The following NEO1 variants were observed in gnomAD, a reference collection of about 807,000 sequenced individuals.
The protein encoded by NEO1 is neogenin 1.
In NEO1, 63 loss-of-function variants were observed where a neutral mutation model predicts 159.7. The observed-to-expected ratio is 0.39, with a 90% CI of 0.32 to 0.49. The LOEUF (loss-of-function observed/expected upper bound fraction) is 0.49. Ranked by LOEUF, NEO1 falls within the 20% of genes least tolerant of loss-of-function variation. NEO1 has a pLI of 0.85. For missense variants in NEO1, 1,615 were observed against 1,831.0 expected, an observed-to-expected ratio of 0.88 and a Z score of 2.15; for synonymous variants, 633 against 662.0, an observed-to-expected ratio of 0.96 and a Z score of 0.67.
intron 1 of NEO1, among the ~76,000 whole-genome samples, chr15:73,076,518 T>TTA (rs2068774258): frequency 1.3e-5 from 2 of 152,292 alleles, no homozygotes; most frequent in East Asian, 3.9e-4. Context: ...TAAGTATTGG[T>TTA]TGTATAGATA....
chr15:73,161,407 A>G (rs2034167384), intron 5 of NEO1, among the ~76,000 whole-genome samples: 1 of 152,286 alleles, frequency 6.6e-6, no homozygotes, highest in African/African-American at 2.4e-5. Flanking sequence ...TTTCATACAT[A>G]TTTGCATCTA....
intron 1 of NEO1, among the ~76,000 whole-genome samples, chr15:73,090,023 G>A (rs1461347607): frequency 6.6e-6 from 1 of 152,024 alleles, no homozygotes; most frequent in Non-Finnish European, 1.5e-5. Context: ...GTCCTGGTTT[G>A]GAAGATAATT....
intron 23 of NEO1, among the ~76,000 whole-genome samples, chr15:73,284,532 G>A (rs1031351146): frequency 4.0e-5 from 6 of 151,242 alleles, no homozygotes; most frequent in South Asian, 4.2e-4. Context: ...AAGAAAAATG[G>A]AGGCTTCTTT....
chr15:73,102,280 C>T (rs780911393), intron 1 of NEO1, among the ~76,000 whole-genome samples: 1 of 152,068 alleles, frequency 6.6e-6, no homozygotes, highest in Non-Finnish European at 1.5e-5. Flanking sequence ...GCAGAAGAAT[C>T]GCTTGAACCC....
At chr15:73,175,361 A>G (rs2035222120) in intron 5 of NEO1, among the ~76,000 whole-genome samples, 1 of 152,236 alleles carries the variant, frequency 6.6e-6, no homozygotes. Context: ...TGAAATACCT[A>G]GGTATTTATC....
intron 7 of NEO1, among the ~76,000 whole-genome samples, chr15:73,220,919 C>G (rs2038214203): frequency 6.6e-6 from 1 of 152,226 alleles, no homozygotes; most frequent in Non-Finnish European, 1.5e-5. Context: ...GCCTTCTTCT[C>G]TCAACTCATC....
chr15:73,077,829 AG>A (rs1374284468), intron 1 of NEO1, among the ~76,000 whole-genome samples: 1 of 152,148 alleles, frequency 6.6e-6, no homozygotes, highest in Non-Finnish European at 1.5e-5. Context: ...TCTAAAAATG[AG>A]AAGGTTACTT....
intron 24 of NEO1, 85 bp downstream of exon 24, chr15:73,288,636 C>T (rs1410918753): frequency 4.3e-6 from 5 of 1,165,478 alleles, no homozygotes; most frequent in Non-Finnish European, 6.3e-6. Context: ...AGTTTGCCTT[C>T]ATTTGGCAAT....
rs35991255 is a variant in NEO1 at position 73,169,643 on chromosome 15, CTTTT to C, written c.1016-6742_1016-6739del. On this transcript the variant is annotated intron_variant, in intron 5 of 28. Coordinates refer to ENST00000261908, the MANE Select transcript of NEO1 (RefSeq NM_002499.4). The stretch of plus-strand genomic sequence containing the variant: ...TACCGAAATTATCTGCTCCCCCCTC[CTTTT>C]TTTTTTTTTTTTTTTTTGGAAGAGG... Among the ~76,000 whole-genome samples, 6 of 105,242 alleles carry C rather than the reference CTTTT, an allele frequency of 5.7e-5. 1 individual carries two copies. The East Asian group carries it at 9.2e-4, about 16-fold the overall frequency. The allele number at this position is 105,242 out of a possible 152,430, so 69.0% of individuals were successfully genotyped here. A position where few individuals can be genotyped will look rare whatever the true frequency, so the allele number is the denominator to read the frequency against.
At chr15:73,199,426 A>G (rs2036734944) in intron 7 of NEO1, among the ~76,000 whole-genome samples, 2 of 152,090 alleles carry the variant, frequency 1.3e-5, no homozygotes, top group African/African-American at 2.4e-5. Flanking sequence ...TACACTGTCT[A>G]CATTTAAGGA....
chr15:73,163,741 A>G (rs2034356317), intron 5 of NEO1, among the ~76,000 whole-genome samples: 1 of 152,196 alleles, frequency 6.6e-6, no homozygotes, highest in African/African-American at 2.4e-5. Flanking sequence ...TGCCAGTGCT[A>G]TTGGTCCTAT....
intron 1 of NEO1, among the ~76,000 whole-genome samples, chr15:73,107,086 C>T (rs1385560067): frequency 6.6e-6 from 1 of 152,146 alleles, no homozygotes; most frequent in Admixed American, 6.5e-5. Context: ...ATTCTCGCCC[C>T]TTGTTACCAT....
At chr15:73,086,075 A>G (rs916046944) in intron 1 of NEO1, among the ~76,000 whole-genome samples, 2 of 152,182 alleles carry the variant, frequency 1.3e-5, no homozygotes, top group African/African-American at 4.8e-5. Context: ...ATAGTTTTAC[A>G]TTTGACATTT....
At chr15:73,293,202 T>G (rs2042223494) in intron 25 of NEO1, among the ~76,000 whole-genome samples, 188 bp from the exon 26 acceptor site, 1 of 152,194 alleles carries the variant, frequency 6.6e-6, no homozygotes, top group Non-Finnish European at 1.5e-5. Context: ...AAAGAGTATC[T>G]TCATTTTTAA....
chr15:73,144,268 T>C (rs889325993), intron 5 of NEO1, among the ~76,000 whole-genome samples: 2 of 152,220 alleles, frequency 1.3e-5, no homozygotes, highest in African/African-American at 4.8e-5. Context: ...TCATCAGTTT[T>C]ATTCATTCCC....
intron 7 of NEO1, among the ~76,000 whole-genome samples, chr15:73,219,570 AG>A (rs1785208540): frequency 7.5e-6 from 1 of 133,136 alleles, no homozygotes; most frequent in Admixed American, 7.9e-5. Flanking sequence ...GTCTCTTTGT[AG>A]GTCACTCAGG....
At chr15:73,096,562 G>A (rs8041219) in intron 1 of NEO1, among the ~76,000 whole-genome samples, 20,218 of 152,108 alleles carry the variant, frequency 0.13, 1,927 homozygotes, top group African/African-American at 0.26. Context: ...ACTTTTTGGA[G>A]GGCCAAAGAA....
At chr15:73,204,357 GGTGTTT>G (rs2037092686) in intron 7 of NEO1, among the ~76,000 whole-genome samples, 1 of 151,818 alleles carries the variant, frequency 6.6e-6, no homozygotes, top group African/African-American at 2.4e-5. Flanking sequence ...TCTGTGGTTA[GGTGTTT>G]GTCATTAATT....
At chr15:73,263,175 A>G (rs1404320747) in intron 15 of NEO1, among the ~76,000 whole-genome samples, 1 of 149,832 alleles carries the variant, frequency 6.7e-6, no homozygotes, top group East Asian at 2.0e-4. Context: ...TATGCTAATT[A>G]TACCTCATAG....
Sources: gnomAD v4.1 joint callset for allele counts (sites outside exome capture counted in the v4.1 genomes callset) on GRCh38, gnomAD v4.1.1 for gene constraint, MANE v1.5 for transcripts, NCBI Gene and HGNC (gene_info 2026-07-23, HGNC 2026-07-21) for gene names.